CACNG5: variants seen among roughly 807,000 people sequenced by gnomAD.
CACNG5 encodes voltage-dependent calcium channel gamma-5 subunit.
A neutral mutation model predicts 24.8 loss-of-function variants in CACNG5; 18 were observed. The ratio of observed to expected loss-of-function variants is 0.73; its 90% CI spans 0.50 to 1.08. CACNG5 has a LOEUF of 1.08. CACNG5 is among the 50% of genes least tolerant of loss of function. CACNG5 has a pLI of 0.00. For synonymous variants in CACNG5, 157 were observed against 149.1 expected (o/e 1.05, Z -0.39); for missense variants, 349 against 367.9 (o/e 0.95, Z 0.42).
chr17:66,843,106 C>T (rs1568061450), intron 1 of CACNG5, among the ~76,000 whole-genome samples: 1 of 152,300 alleles, frequency 6.6e-6, no homozygotes, highest in East Asian at 1.9e-4. Flanking sequence ...TTAATGGAAT[C>T]CCCTGCCATA....
chr17:66,877,590 C>A, intron 2 of CACNG5, 62 bp downstream of exon 2: 1 of 1,426,610 alleles, frequency 7.0e-7, no homozygotes, highest in South Asian at 1.2e-5. Flanking sequence ...CAAGAGGTCC[C>A]TCCCTGGGAA....
intron 1 of CACNG5, among the ~76,000 whole-genome samples, chr17:66,842,442 A>T (rs1314432603): frequency 6.6e-6 from 1 of 152,242 alleles, no homozygotes; most frequent in African/African-American, 2.4e-5. Flanking sequence ...CACTGCCCAC[A>T]GCTACCCACT....
chr17:66,883,528 A>G (rs965031169), intron 4 of CACNG5, among the ~76,000 whole-genome samples: 2 of 152,256 alleles, frequency 1.3e-5, no homozygotes, highest in African/African-American at 2.4e-5. Flanking sequence ...TCTTGATTCA[A>G]TTACAGCTAC....
chr17:66,850,599 T>TATATAC (rs150985584), intron 1 of CACNG5, among the ~76,000 whole-genome samples: 1 of 142,318 alleles, frequency 7.0e-6, no homozygotes, highest in African/African-American at 2.8e-5. Flanking sequence ...CACAAATACA[T>TATATAC]ACACACACAC....
rs192411137 is a variant in CACNG5 at position 66,891,677 on chromosome 17, C to G, written c.*6437C>G. On this transcript the variant is annotated 3_prime_UTR_variant, in exon 6 of 6. Coordinates refer to ENST00000533854, the MANE Select transcript of CACNG5 (RefSeq NM_145811.3). ...CATTTCCATCATAATCCCCAGACAA[C>G]CTAGGTTTATAGAGAAGAGAACGTA... Among the ~76,000 whole-genome samples the G allele has an allele frequency of 3.7e-4, 56 of 152,230 alleles. No individual in the cohort carries two copies. Among genetic ancestry groups the G allele is most frequent in the Non-Finnish European group, 6.6e-4 (45 of 68,020 alleles).
Position 66,892,299 on chromosome 17 carries a change from A to G in CACNG5, c.*7059A>G, listed in dbSNP as rs1977356174. Among the ~76,000 whole-genome samples, 1 of 144,008 alleles carries G rather than the reference A, an allele frequency of 6.9e-6. No homozygotes were observed. Among genetic ancestry groups the G allele is most frequent in the Admixed American group, 6.7e-5 (1 of 14,836 alleles). The allele number at this position is 144,008 out of a possible 152,430, so 94.5% of individuals were successfully genotyped here. On this transcript the variant is annotated 3_prime_UTR_variant, in exon 6 of 6. Coordinates refer to ENST00000533854, the MANE Select transcript of CACNG5 (RefSeq NM_145811.3). ...CTTCTGCCTCTGAGCCCTTTCCCCA[A>G]GGAGCTGGTATTCACTGGTATTCAC... is the stretch of plus-strand genomic sequence containing the variant.
At chr17:66,859,638 G>A (rs1301154282) in intron 1 of CACNG5, among the ~76,000 whole-genome samples, 1 of 152,066 alleles carries the variant, frequency 6.6e-6, no homozygotes, top group African/African-American at 2.4e-5. Flanking sequence ...GCTAAAGCCA[G>A]ATTGGTTTCC....
chr17:66,879,877 A>G (rs890202052), intron 3 of CACNG5, among the ~76,000 whole-genome samples: 5 of 152,188 alleles, frequency 3.3e-5, no homozygotes, highest in African/African-American at 1.2e-4. Flanking sequence ...CCTTGCCTAG[A>G]GGCCAGGCTG....
chr17:66,867,524 T>C (rs1007365955), intron 1 of CACNG5, among the ~76,000 whole-genome samples: 1 of 152,212 alleles, frequency 6.6e-6, no homozygotes, highest in Non-Finnish European at 1.5e-5. Context: ...CTTTTGGTGA[T>C]TTCATCATAA....
Position 66,885,335 on chromosome 17 carries a change from G to A in CACNG5, c.*95G>A, listed in dbSNP as rs1050491269. On this transcript the variant is annotated 3_prime_UTR_variant, in exon 6 of 6. Coordinates refer to ENST00000533854, the MANE Select transcript of CACNG5 (RefSeq NM_145811.3). ...TGAGCCCCAGGCCTGTGGTTGACAG[G>A]CCCAGGCCACCCATGCTTAGCTGTT... The A allele has an allele frequency of 7.0e-6, 10 of 1,434,564 alleles. No homozygotes were observed. In the South Asian group the frequency reaches 8.3e-5, roughly 12 times the overall value. The allele number at this position is 1,434,564 out of a possible 1,614,324, so 88.9% of individuals were successfully genotyped here.
chr17:66,878,120 C>T (rs932210308), intron 2 of CACNG5, among the ~76,000 whole-genome samples: 2 of 152,242 alleles, frequency 1.3e-5, no homozygotes, highest in African/African-American at 4.8e-5. Context: ...TTATCTGGGC[C>T]TACCTTTTTA....
At chr17:66,870,297 C>T (rs1263105105) in intron 1 of CACNG5, among the ~76,000 whole-genome samples, 1 of 152,124 alleles carries the variant, frequency 6.6e-6, no homozygotes, top group Non-Finnish European at 1.5e-5. Flanking sequence ...TGGCCCAATC[C>T]CATGGCTGGC....
chr17:66,878,575 G>A (rs981135966), intron 2 of CACNG5, among the ~76,000 whole-genome samples: 3 of 152,192 alleles, frequency 2.0e-5, no homozygotes, highest in Non-Finnish European at 2.9e-5. Flanking sequence ...TGGTTGACAG[G>A]GCTTTTGGAG....
intron 1 of CACNG5, among the ~76,000 whole-genome samples, chr17:66,857,739 C>T (rs1166897282): frequency 6.6e-6 from 1 of 152,198 alleles, no homozygotes; most frequent in East Asian, 1.9e-4. Flanking sequence ...AGTGCATGGT[C>T]TGCATATCTT....
At chr17:66,881,970 G>C (rs957793193) in intron 4 of CACNG5, among the ~76,000 whole-genome samples, 1 of 152,160 alleles carries the variant, frequency 6.6e-6, no homozygotes, top group Non-Finnish European at 1.5e-5. Context: ...GACTTTAGGA[G>C]AAGACTTAGA....
chr17:66,881,135 A>C (rs1026383377), intron 4 of CACNG5, among the ~76,000 whole-genome samples: 4 of 152,344 alleles, frequency 2.6e-5, no homozygotes, highest in Admixed American at 1.3e-4. Flanking sequence ...GAATTGAGTC[A>C]GAGATGGAGG....
At chr17:66,854,780 C>T (rs536679379) in intron 1 of CACNG5, among the ~76,000 whole-genome samples, 4 of 152,054 alleles carry the variant, frequency 2.6e-5, no homozygotes, top group African/African-American at 9.6e-5. Flanking sequence ...TTAATATCCA[C>T]AACACCTCAA....
At chr17:66,837,511 C>T (rs1372806868) in intron 1 of CACNG5, among the ~76,000 whole-genome samples, 1 of 152,222 alleles carries the variant, frequency 6.6e-6, no homozygotes, top group Non-Finnish European at 1.5e-5. Context: ...TGGGCCAGTC[C>T]TACTCCCTGG....
rs189110369 is a variant in CACNG5 at position 66,889,498 on chromosome 17, G to T, written c.*4258G>T. ...TCCCTAGATACAGGTGGTCTATCAG[G>T]GTTCTCCAGAAAAACAGAATCAACA... is the stretch of plus-strand genomic sequence containing the variant. On this transcript the variant is annotated 3_prime_UTR_variant, in exon 6 of 6. Transcript: ENST00000533854. 6.6e-6 allele frequency among the ~76,000 whole-genome samples: 1 copy of T among 152,190 alleles called. No individual in the cohort carries two copies. Among genetic ancestry groups the T allele is most frequent in the South Asian group, 2.1e-4 (1 of 4,828 alleles).
Sources: allele counts gnomAD v4.1 joint callset (sites outside exome capture counted in the v4.1 genomes callset), GRCh38; gene constraint gnomAD v4.1.1; transcripts MANE v1.5; gene names NCBI Gene and HGNC (gene_info 2026-07-23, HGNC 2026-07-21).